The following RNF11 variants were observed in gnomAD, a reference collection of about 807,000 sequenced individuals.
The protein encoded by RNF11 is ring finger protein 11.
RNF11 carries 4 observed loss-of-function variants against 15.8 expected under a neutral mutation model. The observed-to-expected ratio is 0.25, with a 90% CI of 0.12 to 0.58. The LOEUF is 0.58. Ranked by LOEUF, RNF11 falls within the 20% of genes least tolerant of loss-of-function variation. The probability of loss-of-function intolerance (pLI) is 0.91; values close to 1 mark genes in which losing one functional copy is unlikely to be tolerated. For missense variants in RNF11, 139 were observed against 194.4 expected, an observed-to-expected ratio of 0.71 and a Z score of 1.70; for synonymous variants, 68 against 72.3, an observed-to-expected ratio of 0.94 and a Z score of 0.30.
chr1:51,257,848 C>CTTTTTTTTTTTTTTTTTTTTTTTTTTTT (rs201557519), intron 1 of RNF11, among the ~76,000 whole-genome samples: 5 of 84,930 alleles, frequency 5.9e-5, no homozygotes, highest in Non-Finnish European at 7.1e-5. Flanking sequence ...CTTTTCTTTT[C>CTTTTTTTTTTTTTTTTTTTTTTTTTTTT]TTTTCTTTTT....
chr1:51,272,485 G>A lies in RNF11; in HGVS notation c.*1163G>A, dbSNP rs558637221. On this transcript the variant is annotated 3_prime_UTR_variant, in exon 3 of 3. Coordinates refer to ENST00000242719, the MANE Select transcript of RNF11 (RefSeq NM_014372.5). ...TGTATTTTATGTTTTGCACACAAAC[G>A]CAGAATTTGTATAACCATATGACTT... The A allele has an allele frequency of 1.3e-5, 2 of 152,694 alleles. No individual in the cohort carries two copies. The highest frequency in any genetic ancestry group is 1.9e-4 in the East Asian group (1 of 5,184). The allele number at this position is 152,694 out of a possible 1,614,324, so 9.5% of individuals were successfully genotyped here. A position where few individuals can be genotyped will look rare whatever the true frequency, so the allele number is the denominator to read the frequency against.
intron 1 of RNF11, among the ~76,000 whole-genome samples, chr1:51,240,025 C>T (rs1344976597): frequency 6.6e-6 from 1 of 152,080 alleles, no homozygotes; most frequent in African/African-American, 2.4e-5. Flanking sequence ...AACAGTTATC[C>T]CTGCTTTCAC....
chr1:51,260,309 G>A (rs537622476), intron 1 of RNF11, among the ~76,000 whole-genome samples: 1 of 152,266 alleles, frequency 6.6e-6, no homozygotes, highest in East Asian at 1.9e-4. Context: ...GTTTTGGTTA[G>A]AGTCCTTGGG....
At chr1:51,267,873 G>A (rs1646961877) in intron 1 of RNF11, among the ~76,000 whole-genome samples, 1 of 152,164 alleles carries the variant, frequency 6.6e-6, no homozygotes, top group Non-Finnish European at 1.5e-5. Context: ...TGGGATTACA[G>A]GCGTGCACCA....
chr1:51,253,437 C>T (rs1646889989), intron 1 of RNF11, among the ~76,000 whole-genome samples: 1 of 150,514 alleles, frequency 6.6e-6, no homozygotes, highest in Non-Finnish European at 1.5e-5. Context: ...GCAGGAGGAT[C>T]ACTTGAGCCC....
chr1:51,264,423 G>T (rs1646946439), intron 1 of RNF11, among the ~76,000 whole-genome samples: 2 of 150,724 alleles, frequency 1.3e-5, no homozygotes, highest in African/African-American at 2.4e-5. Flanking sequence ...TAATCTGGGG[G>T]TTTTTGTTTT....
chr1:51,267,754 G>T (rs777147332), intron 1 of RNF11, among the ~76,000 whole-genome samples: 8 of 152,180 alleles, frequency 5.3e-5, no homozygotes, highest in Non-Finnish European at 1.2e-4. Flanking sequence ...TTGTTAAGAT[G>T]GAGTCTCTCT....
chr1:51,264,311 TATATATACACAC>T (rs1338417817), intron 1 of RNF11, among the ~76,000 whole-genome samples: 24 of 101,914 alleles, frequency 2.4e-4, no homozygotes, highest in African/African-American at 9.9e-4. Flanking sequence ...TATATATATA[TATATATACACAC>T]ACACACACAC....
chr1:51,271,283 A>C lies in RNF11; in HGVS notation c.426A>C (p.Pro142=). 1 of 1,614,114 alleles carries C rather than the reference A, an allele frequency of 6.2e-7. No homozygotes were observed. The highest frequency in any genetic ancestry group is 8.5e-7 in the Non-Finnish European group (1 of 1,179,986). ...TCACGTGCCCCTCCTGCATGGAGCCAGTTGATGCAGCACTGCTTTCATCCT... is the reference window on the plus strand; with the variant it reads ...TCACGTGCCCCTCCTGCATGGAGCCCGTTGATGCAGCACTGCTTTCATCCT... ...RSFTCPSCME[P]VDAALLSSYE... The change falls in exon 3 of 3, where the codon CCA becomes CCC. Residue 142 remains proline (P), a synonymous_variant. Coordinates refer to ENST00000242719, the MANE Select transcript of RNF11 (RefSeq NM_014372.5).
intron 1 of RNF11, among the ~76,000 whole-genome samples, chr1:51,263,982 G>C (rs1285569375): frequency 6.6e-6 from 1 of 151,946 alleles, no homozygotes; most frequent in Non-Finnish European, 1.5e-5. Context: ...GGCTAGGCTT[G>C]GCTGCTCACT....
chr1:51,243,674 G>A (rs776097618), intron 1 of RNF11, among the ~76,000 whole-genome samples: 12 of 152,068 alleles, frequency 7.9e-5, no homozygotes, highest in Non-Finnish European at 1.2e-4. Flanking sequence ...CCTAACCTCA[G>A]GTAATCCACT....
At chr1:51,255,111 A>G (rs141389052) in intron 1 of RNF11, among the ~76,000 whole-genome samples, 2 of 152,286 alleles carry the variant, frequency 1.3e-5, no homozygotes, top group African/African-American at 4.8e-5. Context: ...TAGTATCTGT[A>G]AAGAGGAACT....
chr1:51,249,107 C>A (rs1047445659), intron 1 of RNF11, among the ~76,000 whole-genome samples: 2 of 151,990 alleles, frequency 1.3e-5, no homozygotes, highest in Non-Finnish European at 2.9e-5. Context: ...TGGAGTCAGT[C>A]GGGTCGGACT....
chr1:51,269,997 G>T lies in RNF11; in HGVS notation c.165G>T (p.Gln55His). 1.9e-6 allele frequency: 3 copies of T among 1,613,560 alleles called. No individual in the cohort carries two copies. Among genetic ancestry groups the T allele is most frequent in the Non-Finnish European group, 2.5e-6 (3 of 1,179,778 alleles). The change falls in exon 2 of 3, where the codon CAG becomes CAT. Residue 55 changes from glutamine to histidine, a missense_variant. Gln to His is a conservative substitution (Grantham distance 24). Transcript: ENST00000242719. ...CAGTCTACCACCCAACACCTAGCCAGACTCGGCTAGCAACTCAGCTGACTG... is the reference window on the plus strand; with the variant it reads ...CAGTCTACCACCCAACACCTAGCCATACTCGGCTAGCAACTCAGCTGACTG... ...PVPVYHPTPS[Q>H]TRLATQLTEE...
chr1:51,273,308 T>TTTCAATA lies in RNF11; in HGVS notation c.*1988_*1989insCAATATT, dbSNP rs1402167338. On this transcript the variant is annotated 3_prime_UTR_variant, in exon 3 of 3. Transcript: ENST00000242719. ...TTTCATTACAAGTCTTTCACAGAAG[T>TTTCAATA]TTGGTGGTAATATTGAAAGAACTAG... 2.6e-5 allele frequency: 4 copies of TTTCAATA among 152,256 alleles called. No homozygotes were observed. Among genetic ancestry groups the TTTCAATA allele is most frequent in the African/African-American group, 9.6e-5 (4 of 41,564 alleles). 9.4% of individuals were successfully genotyped at this position (152,256 alleles called of 1,614,324 possible). A position where few individuals can be genotyped will look rare whatever the true frequency, so the allele number is the denominator to read the frequency against.
chr1:51,250,549 A>ATTT, intron 1 of RNF11: 2 of 456,920 alleles, frequency 4.4e-6, no homozygotes, highest in African/African-American at 2.0e-5. Flanking sequence ...ATTTGTGACA[A>ATTT]TTTTTTTTTT....
rs192971731 is a variant in RNF11, at chr1:51,240,963, T to C, written c.123+4084T>C. Among the ~76,000 whole-genome samples, 115 of 151,924 alleles carry C rather than the reference T, an allele frequency of 7.6e-4. 2 individuals carry two copies. The highest frequency in any genetic ancestry group is 2.8e-3 in the African/African-American group (114 of 41,420). On this transcript the variant is annotated intron_variant, in intron 1 of 2. Coordinates refer to ENST00000242719, the MANE Select transcript of RNF11 (RefSeq NM_014372.5). Reference sequence around the variant, plus strand: ...TCTGGAGTAGTTGGTACTACAGGCATGCGCCACCAAGGCCAACTGATTTTT... The same window carrying C: ...TCTGGAGTAGTTGGTACTACAGGCACGCGCCACCAAGGCCAACTGATTTTT...
chr1:51,255,866 T>C (rs1477690992), intron 1 of RNF11, among the ~76,000 whole-genome samples: 2 of 152,218 alleles, frequency 1.3e-5, no homozygotes, highest in African/African-American at 4.8e-5. Context: ...TGTAGCTTTA[T>C]AAGTAAGGTT....
intron 1 of RNF11, 133 bp from the exon 2 acceptor site, chr1:51,269,823 G>C: frequency 1.4e-6 from 1 of 694,170 alleles, no homozygotes; most frequent in Non-Finnish European, 2.5e-6. Flanking sequence ...GTGAAACACA[G>C]TCATACAGCC....
Sources: allele counts gnomAD v4.1 joint callset (sites outside exome capture counted in the v4.1 genomes callset), GRCh38; gene constraint gnomAD v4.1.1; transcripts MANE v1.5; gene names NCBI Gene and HGNC (gene_info 2026-07-23, HGNC 2026-07-21).